Variants in GABBR2 observed in about 807,000 individuals in gnomAD.
The protein encoded by GABBR2 is gamma-aminobutyric acid type B receptor subunit 2, also known as G-protein coupled receptor 51.
GABBR2 carries 23 observed loss-of-function variants against 105.6 expected under a neutral mutation model. That is an observed-to-expected ratio of 0.22 (90% CI 0.16 to 0.31). The LOEUF (loss-of-function observed/expected upper bound fraction) is 0.31. Among genes scored for constraint, GABBR2 ranks in the 10% least tolerant of loss-of-function variants. The pLI is 1.00. For synonymous variants in GABBR2, 478 were observed against 499.7 expected (o/e 0.96, Z 0.58); for missense variants, 734 against 1,245.5 (o/e 0.59, Z 6.18).
rs373927049 is a variant in GABBR2, at chr9:98,378,177, T to C, written c.1663-6606A>G. On this transcript the variant is annotated intron_variant, in intron 11 of 18. Coordinates refer to ENST00000259455, the MANE Select transcript of GABBR2 (RefSeq NM_005458.8). ...TACTGGGAGGCCAAGTGGGTGTTCC[T>C]AGGCAGCCTTTACCTTTCTAGTTAG... Among the ~76,000 whole-genome samples the C allele has an allele frequency of 6.4e-4, 98 of 152,334 alleles. 2 individuals carry two copies. The South Asian group carries it at 0.019, about 30-fold the overall frequency.
chr9:98,475,892 G>C (rs1826783349), intron 5 of GABBR2, among the ~76,000 whole-genome samples: 1 of 152,136 alleles, frequency 6.6e-6, no homozygotes, highest in African/African-American at 2.4e-5. Context: ...GTGAAACCTT[G>C]TCTGTACTAA....
chr9:98,560,442 T>C (rs201632931), intron 2 of GABBR2, among the ~76,000 whole-genome samples: 23 of 137,144 alleles, frequency 1.7e-4, no homozygotes, highest in Non-Finnish European at 2.8e-4. Flanking sequence ...CACACACACA[T>C]ACACACACAC....
intron 7 of GABBR2, among the ~76,000 whole-genome samples, chr9:98,433,733 C>G (rs1406065884): frequency 6.6e-6 from 1 of 152,084 alleles, no homozygotes; most frequent in Non-Finnish European, 1.5e-5. Flanking sequence ...CTGATGATTC[C>G]TGGGGCCACA....
At chr9:98,302,183 C>T (rs1314597287) in intron 16 of GABBR2, among the ~76,000 whole-genome samples, 1 of 152,198 alleles carries the variant, frequency 6.6e-6, no homozygotes, top group Admixed American at 6.5e-5. Context: ...CGTTTCCCAG[C>T]CTCTCCTCTC....
chr9:98,356,770 C>T (rs538837213), intron 13 of GABBR2, among the ~76,000 whole-genome samples: 78 of 152,100 alleles, frequency 5.1e-4, no homozygotes, highest in Non-Finnish European at 8.1e-4. Context: ...AGATGCCCTT[C>T]GGTGGGTGAA....
chr9:98,496,179 A>T lies in GABBR2; in HGVS notation c.732+234T>A, dbSNP rs752350207. 1.1e-5 allele frequency: 6 copies of T among 555,400 alleles called. No homozygotes were observed. The African/African-American group carries it at 1.1e-4, about 10-fold the overall frequency. The allele number at this position is 555,400 out of a possible 1,614,324, so 34.4% of individuals were successfully genotyped here. A position where few individuals can be genotyped will look rare whatever the true frequency, so the allele number is the denominator to read the frequency against. ...CTGCGTTGAGAGATATAAAACCATC[A>T]GGAAAGTGCTCAGTGGCTGTGCACC... On this transcript the variant is annotated intron_variant, in intron 4 of 18. Transcript: ENST00000259455.
intron 6 of GABBR2, among the ~76,000 whole-genome samples, chr9:98,455,963 C>A (rs981254025): frequency 1.3e-5 from 2 of 152,144 alleles, no homozygotes; most frequent in Non-Finnish European, 2.9e-5. Context: ...GGAAATGCAT[C>A]CTCTCTAGCT....
At chr9:98,422,718 G>A (rs372340858) in intron 7 of GABBR2, among the ~76,000 whole-genome samples, 1,714 of 151,408 alleles carry the variant, frequency 0.011, 25 homozygotes, top group African/African-American at 0.039. Context: ...CCATTAACTC[G>A]TCATTTAGCA....
At chr9:98,318,919 G>GGTGT (rs56004009) in intron 13 of GABBR2, among the ~76,000 whole-genome samples, 22 of 129,236 alleles carry the variant, frequency 1.7e-4, no homozygotes, top group African/African-American at 6.0e-4. Flanking sequence ...GTGTGTTGGG[G>GGTGT]GTGTGTGTGT....
At position 98,388,879 on chromosome 9, in the gene GABBR2, A is replaced by C; in HGVS notation, c.1504T>G (p.Phe502Val). The stretch of plus-strand genomic sequence containing the variant: ...TTCTGATTCCGGTTCTTGATGTTGA[A>C]GAAGAGAAAAGCACTGGCCATGATC... ...GMIMASAFLF[F>V]NIKNRNQKLI... The change falls in exon 10 of 19, where the codon TTC (phenylalanine) becomes GTC (valine). Residue 502 changes from phenylalanine to valine, a missense_variant. By Grantham distance (50) the Phe-to-Val change is conservative. This residue lies in a region of GABBR2 where 370 missense variants were observed against 648.9 expected (regional missense o/e 0.57). Coordinates refer to ENST00000259455, the MANE Select transcript of GABBR2 (RefSeq NM_005458.8). This position sits in a 1 kb window ranked among gnomAD's most constrained non-coding sequence, Gnocchi z 4.4. 1.2e-6 allele frequency: 2 copies of C among 1,613,428 alleles called. No homozygotes were observed. The highest frequency in any genetic ancestry group is 1.7e-6 in the Non-Finnish European group (2 of 1,179,668).
chr9:98,404,691 C>G (rs1403922735), intron 8 of GABBR2, among the ~76,000 whole-genome samples: 2 of 152,128 alleles, frequency 1.3e-5, no homozygotes, highest in African/African-American at 2.4e-5. Context: ...GGATGCTCCT[C>G]ACATGGCCCT....
At chr9:98,562,960 C>T (rs1828696939) in intron 2 of GABBR2, among the ~76,000 whole-genome samples, 1 of 149,458 alleles carries the variant, frequency 6.7e-6, no homozygotes, top group Non-Finnish European at 1.5e-5. Context: ...ATCCCAGCTA[C>T]TTGGGGGGCT....
At chr9:98,410,440 G>A (rs1832566619) in intron 7 of GABBR2, among the ~76,000 whole-genome samples, 1 of 151,440 alleles carries the variant, frequency 6.6e-6, no homozygotes, top group South Asian at 2.1e-4. Context: ...CTGCCAGCTG[G>A]TTTCCATTTA....
chr9:98,499,459 G>T (rs1827354995), intron 3 of GABBR2, among the ~76,000 whole-genome samples: 1 of 152,196 alleles, frequency 6.6e-6, no homozygotes, highest in African/African-American at 2.4e-5. Flanking sequence ...GATGGTCAGT[G>T]AGGTCAGCCA....
chr9:98,543,112 C>A (rs926076329), intron 2 of GABBR2, among the ~76,000 whole-genome samples: 1 of 152,064 alleles, frequency 6.6e-6, no homozygotes, highest in East Asian at 1.9e-4. Flanking sequence ...CTTTTAAGTG[C>A]CAGTTAAGTT....
chr9:98,441,494 A>C (rs1271545968), intron 7 of GABBR2, among the ~76,000 whole-genome samples: 3 of 152,094 alleles, frequency 2.0e-5, no homozygotes, highest in Non-Finnish European at 2.9e-5. Flanking sequence ...CAGCCTCTCA[A>C]GTAGCTGGGA....
At chr9:98,482,374 G>A (rs906126873) in intron 4 of GABBR2, among the ~76,000 whole-genome samples, 2 of 152,224 alleles carry the variant, frequency 1.3e-5, no homozygotes, top group African/African-American at 4.8e-5. Context: ...GACTTTAAAA[G>A]ATCGTTAACA....
intron 13 of GABBR2, among the ~76,000 whole-genome samples, chr9:98,346,453 G>A (rs1262937301): frequency 1.3e-5 from 2 of 152,072 alleles, no homozygotes; most frequent in East Asian, 3.9e-4. Flanking sequence ...TAGTTGACAT[G>A]TAATAATTGT....
At chr9:98,508,345 A>G (rs1373395136) in intron 3 of GABBR2, among the ~76,000 whole-genome samples, 1 of 152,248 alleles carries the variant, frequency 6.6e-6, no homozygotes, top group Non-Finnish European at 1.5e-5. Flanking sequence ...AGCGATGCAG[A>G]AGATGGGTGA....
Sources: allele counts gnomAD v4.1 joint callset (sites outside exome capture counted in the v4.1 genomes callset), GRCh38; gene constraint gnomAD v4.1.1; regional missense constraint gnomAD v4.1.1; non-coding constraint Gnocchi (gnomAD v3.1); transcripts MANE v1.5; gene names NCBI Gene and HGNC (gene_info 2026-07-23, HGNC 2026-07-21).